The following ARSL variants were observed in gnomAD, a reference collection of about 807,000 sequenced individuals.
The protein encoded by ARSL is arylsulfatase E (chondrodysplasia punctata 1).
ARSL carries 4 observed loss-of-function variants against 31.1 expected under a neutral mutation model. That is an observed-to-expected ratio of 0.13 (90% confidence interval 0.06 to 0.29). ARSL has a LOEUF of 0.29. ARSL is among the 10% of genes least tolerant of loss of function. ARSL has a pLI of 1.00. For synonymous variants in ARSL, 198 were observed against 209.9 expected (o/e 0.94, Z 0.49); for missense variants, 312 against 497.8 (o/e 0.63, Z 3.55).
At chrX:2,946,387 G>A (rs1227962924) in intron 6 of ARSL, among the ~76,000 whole-genome samples, 10 of 97,315 alleles carry the variant, frequency 1.0e-4, no homozygotes, top group Non-Finnish European at 2.0e-4. Flanking sequence ...TACCCAGGCT[G>A]GAGTGCAGTG....
chrX:2,959,779 G>C, intron 2 of ARSL: 1 of 1,067,692 alleles, frequency 9.4e-7, no homozygotes, highest in Non-Finnish European at 1.2e-6. Context: ...GAAGCGGTCA[G>C]GCGTGGTGGC....
rs769304724 is a variant in ARSL at position 2,937,967 on chromosome X, C to T, written c.1289+128G>A. 64 of 961,426 alleles carry T rather than the reference C, an allele frequency of 6.7e-5. No homozygotes were observed. In the Middle Eastern group the frequency reaches 1.2e-3, roughly 17 times the overall value. 79.2% of individuals were successfully genotyped at this position (961,426 alleles called of 1,213,427 possible). The stretch of plus-strand genomic sequence containing the variant: ...TATTGGGCCATGAGAATAAGCAGCC[C>T]GACCCTCGGTTTGGTCGGGGAACAA... On this transcript the variant is annotated intron_variant, in intron 9 of 10. Coordinates refer to ENST00000381134, the MANE Select transcript of ARSL (RefSeq NM_000047.3).
chrX:2,958,311 T>G lies in ARSL; in HGVS notation c.148A>C (p.Ile50Leu). 1.7e-6 allele frequency: 2 copies of G among 1,211,842 alleles called. No individual in the cohort carries two copies. Among genetic ancestry groups the G allele is most frequent in the Non-Finnish European group, 2.2e-6 (2 of 895,554 alleles). The change falls in exon 3 of 11, where the codon ATT becomes CTT. Residue 50 changes from isoleucine to leucine, a missense_variant. Physicochemically the swap from Ile to Leu is conservative, Grantham distance 5 (BLOSUM62 2). Coordinates refer to ENST00000381134, the MANE Select transcript of ARSL (RefSeq NM_000047.3). ...ILLLMADDLG[I>L]GDIGCYGNNT... Reference sequence around the variant, plus strand: ...TTGCCATAGCAGCCAATGTCCCCAATGCCAAGGTCGTCCGCCATCAGAAGA... The same window carrying G: ...TTGCCATAGCAGCCAATGTCCCCAAGGCCAAGGTCGTCCGCCATCAGAAGA...
chrX:2,962,819 C>T (rs2089655727), intron 1 of ARSL, among the ~76,000 whole-genome samples: 1 of 110,532 alleles, frequency 9.0e-6, no homozygotes, highest in Non-Finnish European at 1.9e-5. Flanking sequence ...GTCAAAGTCC[C>T]CCCTTTGCTC....
intron 8 of ARSL, among the ~76,000 whole-genome samples, chrX:2,941,665 C>G (rs778042801): frequency 8.9e-6 from 1 of 112,160 alleles, no homozygotes; most frequent in East Asian, 2.8e-4. Context: ...AGGCTGGAAG[C>G]CCCGTGGCTT....
intron 3 of ARSL, among the ~76,000 whole-genome samples, chrX:2,957,708 CA>C (rs761423845): frequency 3.0e-3 from 163 of 53,940 alleles, no homozygotes; most frequent in African/African-American, 4.3e-3. Context: ...GATTCTGTCT[CA>C]AAAAAAAAAA....
intron 7 of ARSL, among the ~76,000 whole-genome samples, chrX:2,945,433 T>C (rs140638791): frequency 0.011 from 1,250 of 111,997 alleles, 10 homozygotes; most frequent in African/African-American, 0.037. Flanking sequence ...CTCTTTCTTT[T>C]GTTTGTCTAC....
chrX:2,958,001 C>CT (rs1249317009), intron 3 of ARSL, among the ~76,000 whole-genome samples: 1 of 109,617 alleles, frequency 9.1e-6, no homozygotes, highest in African/African-American at 3.3e-5. Context: ...CAGCCTGGAC[C>CT]ACAGAGCAAG....
chrX:2,958,136 G>GA, intron 3 of ARSL, 138 bp downstream of exon 3: 1 of 833,802 alleles, frequency 1.2e-6, no homozygotes, highest in Non-Finnish European at 1.7e-6. Context: ...TAACATTAGG[G>GA]AGAGTTAGAA....
chrX:2,964,841 A>C (rs2089684476), upstream of ARSL, among the ~76,000 whole-genome samples: 1 of 111,736 alleles, frequency 8.9e-6, no homozygotes, highest in South Asian at 3.8e-4. Flanking sequence ...AGTGTGGCTT[A>C]TGCCCATAAT....
At chrX:2,943,710 C>A (rs1014304506) in intron 7 of ARSL, among the ~76,000 whole-genome samples, 9 of 92,262 alleles carry the variant, frequency 9.8e-5, no homozygotes, top group African/African-American at 3.8e-4. Context: ...CCACTGCGCT[C>A]CAGCCTGGGT....
chrX:2,935,835 T>C (rs893624527), intron 10 of ARSL, among the ~76,000 whole-genome samples: 3 of 109,769 alleles, frequency 2.7e-5, no homozygotes, highest in African/African-American at 1.0e-4. Flanking sequence ...GCGCCTGTAA[T>C]TGTTCACAAA....
intron 3 of ARSL, among the ~76,000 whole-genome samples, chrX:2,956,237 G>A (rs2089522544): frequency 9.0e-6 from 1 of 111,614 alleles, no homozygotes; most frequent in Admixed American, 9.6e-5. Context: ...CTGGAATTCG[G>A]ACAGGAGGAC....
At chrX:2,957,914 C>T (rs1483393339) in intron 3 of ARSL, among the ~76,000 whole-genome samples, 15 of 109,922 alleles carry the variant, frequency 1.4e-4, no homozygotes, top group South Asian at 3.9e-4. Context: ...CAGAATTACT[C>T]GGGAGGCTGA....
At chrX:2,961,944 G>A (rs759864635) in intron 1 of ARSL, among the ~76,000 whole-genome samples, 10 of 106,120 alleles carry the variant, frequency 9.4e-5, no homozygotes, top group Non-Finnish European at 1.2e-4. Context: ...GCAATGGCGC[G>A]ATCTTGGCTC....
chrX:2,938,520 A>G (rs1232997598), intron 8 of ARSL, among the ~76,000 whole-genome samples: 3 of 111,876 alleles, frequency 2.7e-5, no homozygotes, highest in African/African-American at 9.8e-5. Context: ...CCTTCACTAC[A>G]AATGACTCTT....
chrX:2,944,167 C>A (rs1181215435), intron 7 of ARSL, among the ~76,000 whole-genome samples: 1 of 108,690 alleles, frequency 9.2e-6, no homozygotes, highest in African/African-American at 3.4e-5. Context: ...AAGAGTGAGA[C>A]CCTGTCGGCC....
chrX:2,941,952 A>C (rs2089287886), intron 8 of ARSL, among the ~76,000 whole-genome samples: 1 of 112,869 alleles, frequency 8.9e-6, no homozygotes, highest in East Asian at 2.8e-4. Context: ...AATTGTGCAC[A>C]AAAACGTGGC....
intron 7 of ARSL, among the ~76,000 whole-genome samples, chrX:2,945,335 G>T (rs1162864768): frequency 8.9e-6 from 1 of 111,792 alleles, no homozygotes; most frequent in Non-Finnish European, 1.9e-5. Flanking sequence ...AGGTCATGGG[G>T]CTTTTGTAGG....
Sources: allele counts gnomAD v4.1 joint callset (sites outside exome capture counted in the v4.1 genomes callset), GRCh38; gene constraint gnomAD v4.1.1; transcripts MANE v1.5; gene names NCBI Gene and HGNC (gene_info 2026-07-23, HGNC 2026-07-21).